PHACTR1: variants seen among roughly 807,000 people sequenced by gnomAD.
PHACTR1 encodes phosphatase and actin regulator 1.
Under a neutral mutation model 69.2 loss-of-function variants are expected in PHACTR1, and 16 were observed. The observed-to-expected ratio is 0.23, with a 90% confidence interval of 0.16 to 0.35. The LOEUF is 0.35. Among genes scored for constraint, PHACTR1 ranks in the 10% least tolerant of loss-of-function variants. The pLI is 1.00. For missense variants in PHACTR1, 510 were observed against 734.7 expected, an observed-to-expected ratio of 0.69 and a Z score of 3.54; for synonymous variants, 312 against 284.5, an observed-to-expected ratio of 1.10 and a Z score of -0.97.
intron 3 of PHACTR1, among the ~76,000 whole-genome samples, chr6:12,722,490 T>C (rs1357037057): frequency 2.0e-5 from 3 of 152,198 alleles, no homozygotes; most frequent in Non-Finnish European, 4.4e-5. Context: ...TCTTGGAAAG[T>C]GGCAATAGCC....
chr6:12,819,748 G>C (rs1775993173), intron 4 of PHACTR1, among the ~76,000 whole-genome samples: 2 of 152,128 alleles, frequency 1.3e-5, no homozygotes. Context: ...AAAGCAGTGA[G>C]GGACGCAGCT....
At chr6:13,065,074 T>C (rs570762632) in intron 5 of PHACTR1, among the ~76,000 whole-genome samples, 8 of 152,208 alleles carry the variant, frequency 5.3e-5, no homozygotes, top group African/African-American at 1.9e-4. Flanking sequence ...GGGGAAAAGA[T>C]GAATTTATTT....
At chr6:13,184,465 G>C (rs1262742307) in intron 7 of PHACTR1, among the ~76,000 whole-genome samples, 1 of 152,218 alleles carries the variant, frequency 6.6e-6, no homozygotes, top group Non-Finnish European at 1.5e-5. Flanking sequence ...TGTGCCCCAT[G>C]AGTCCCATCT....
At position 13,154,513 on chromosome 6, in the gene PHACTR1, G is replaced by T. The variant is rs189118789; in HGVS notation, c.416-5691G>T. Among the ~76,000 whole-genome samples the T allele has an allele frequency of 7.1e-4, 108 of 151,928 alleles. 1 individual carries two copies. Among genetic ancestry groups the T allele is most frequent in the Admixed American group, 2.6e-3 (39 of 15,264 alleles). On this transcript the variant is annotated intron_variant, in intron 5 of 14. Coordinates refer to ENST00000332995, the MANE Select transcript of PHACTR1 (RefSeq NM_030948.6). ...AGAGTGATTTTTGGATTTGAGAATA[G>T]GTTTTCTTGTTTTAAAATAAGTCCT...
intron 10 of PHACTR1, among the ~76,000 whole-genome samples, chr6:13,260,510 C>T (rs1381520181): frequency 1.3e-5 from 2 of 152,176 alleles, no homozygotes; most frequent in Non-Finnish European, 2.9e-5. Context: ...TTCTCCTCTG[C>T]CCCTTCTTAG....
At chr6:13,085,092 T>A (rs1168484073) in intron 5 of PHACTR1, among the ~76,000 whole-genome samples, 1 of 152,074 alleles carries the variant, frequency 6.6e-6, no homozygotes, top group Non-Finnish European at 1.5e-5. Context: ...ATTATTATTA[T>A]TGCAAACATT....
At chr6:12,892,591 A>G (rs1457242441) in intron 4 of PHACTR1, among the ~76,000 whole-genome samples, 2 of 152,230 alleles carry the variant, frequency 1.3e-5, no homozygotes, top group Non-Finnish European at 1.5e-5. Context: ...CTTTGACTAT[A>G]ACTTGAGTTA....
chr6:13,219,399 G>C (rs891487696), intron 8 of PHACTR1, among the ~76,000 whole-genome samples: 2 of 152,164 alleles, frequency 1.3e-5, no homozygotes, highest in Non-Finnish European at 2.9e-5. Context: ...CAGGGACGGG[G>C]CACTGAAGAA....
At chr6:12,882,786 T>C (rs1783228994) in intron 4 of PHACTR1, among the ~76,000 whole-genome samples, 1 of 152,168 alleles carries the variant, frequency 6.6e-6, no homozygotes, top group African/African-American at 2.4e-5. Flanking sequence ...TGTGAGGTAG[T>C]TGTGTGGGTT....
chr6:13,072,566 G>A lies in PHACTR1; in HGVS notation c.415+19037G>A, dbSNP rs563248137. Among the ~76,000 whole-genome samples, 195 of 151,938 alleles carry A rather than the reference G, an allele frequency of 1.3e-3. 1 individual carries two copies. The highest frequency in any genetic ancestry group is 3.4e-3 in the Middle Eastern group (1 of 292). On this transcript the variant is annotated intron_variant, in intron 5 of 14. Coordinates refer to ENST00000332995, the MANE Select transcript of PHACTR1 (RefSeq NM_030948.6). ...ACCTCTCTCTTTTTTGTTTTTTAAAGTTGACCTTATGTCATAGTAGAAACT... is the reference window on the plus strand; with the variant it reads ...ACCTCTCTCTTTTTTGTTTTTTAAAATTGACCTTATGTCATAGTAGAAACT...
chr6:13,238,125 G>A (rs1772280485), intron 10 of PHACTR1, among the ~76,000 whole-genome samples: 1 of 152,204 alleles, frequency 6.6e-6, no homozygotes, highest in South Asian at 2.1e-4. Context: ...CATTAATTTG[G>A]TTGAGGCTGG....
chr6:13,006,256 T>G (rs1241493383), intron 4 of PHACTR1, among the ~76,000 whole-genome samples: 1 of 152,250 alleles, frequency 6.6e-6, no homozygotes, highest in African/African-American at 2.4e-5. Flanking sequence ...TTCTGTGTCC[T>G]GTGCCTGTAG....
chr6:12,747,006 G>A (rs930048216), intron 3 of PHACTR1, among the ~76,000 whole-genome samples: 2 of 152,194 alleles, frequency 1.3e-5, no homozygotes, highest in Non-Finnish European at 2.9e-5. Context: ...TTGGTTTACA[G>A]CCTGTTAGTC....
At chr6:12,996,861 CT>C (rs1464695773) in intron 4 of PHACTR1, among the ~76,000 whole-genome samples, 2 of 152,090 alleles carry the variant, frequency 1.3e-5, no homozygotes, top group African/African-American at 2.4e-5. Flanking sequence ...TATTTGATAA[CT>C]TTTTAAAATT....
chr6:13,006,903 C>T (rs1000793898), intron 4 of PHACTR1, among the ~76,000 whole-genome samples: 2 of 152,178 alleles, frequency 1.3e-5, no homozygotes, highest in Non-Finnish European at 2.9e-5. Context: ...AGAATGGCCC[C>T]ACTCACAAAG....
At chr6:13,159,327 A>G (rs2113529157) in intron 5 of PHACTR1, among the ~76,000 whole-genome samples, 1 of 152,298 alleles carries the variant, frequency 6.6e-6, no homozygotes, top group East Asian at 1.9e-4. Context: ...TTTAGACAGT[A>G]TCACCTCCGG....
intron 8 of PHACTR1, among the ~76,000 whole-genome samples, chr6:13,212,371 A>G (rs58474010): frequency 0.11 from 16,301 of 152,126 alleles, 1,204 homozygotes; most frequent in Admixed American, 0.23. Flanking sequence ...ACCCACTCCA[A>G]GTTCTTTTGC....
intron 4 of PHACTR1, among the ~76,000 whole-genome samples, chr6:12,857,174 C>T (rs1561950599): frequency 6.6e-6 from 1 of 152,028 alleles, no homozygotes. Context: ...TTTATTTTTC[C>T]TATGAGGTGT....
intron 6 of PHACTR1, among the ~76,000 whole-genome samples, chr6:13,163,926 C>T (rs938818068): frequency 6.6e-6 from 1 of 152,018 alleles, no homozygotes; most frequent in African/African-American, 2.4e-5. Flanking sequence ...TGTTGGTAGT[C>T]TCATCATCAT....
Sources: allele counts gnomAD v4.1 joint callset (sites outside exome capture counted in the v4.1 genomes callset), GRCh38; gene constraint gnomAD v4.1.1; transcripts MANE v1.5; gene names NCBI Gene and HGNC (gene_info 2026-07-23, HGNC 2026-07-21).